Variants in SMC1A observed in about 807,000 individuals in gnomAD.
SMC1A encodes structural maintenance of chromosomes protein 1A.
In SMC1A, 4 loss-of-function variants were observed where a neutral mutation model predicts 94.5. The ratio of observed to expected loss-of-function variants is 0.04; its 90% CI spans 0.02 to 0.10. The LOEUF (loss-of-function observed/expected upper bound fraction) is 0.10. Among genes scored for constraint, SMC1A ranks in the 10% least tolerant of loss-of-function variants. The pLI is 1.00. For synonymous variants in SMC1A, 345 were observed against 347.7 expected (o/e 0.99, Z 0.09); for missense variants, 304 against 989.0 (o/e 0.31, Z 9.29).
In SMC1A at chrX:53,394,860, C is replaced by G. The variant is rs1569354738; in HGVS notation, c.2891G>C (p.Ser964Thr). The G allele has an allele frequency of 8.4e-7, 1 of 1,197,394 alleles. No individual in the cohort carries two copies. The highest frequency in any genetic ancestry group is 3.0e-5 in the East Asian group (1 of 33,717). ...EGSSQGEDSV[S>T]GSQRISSIYA... ...GATACTGGAAATTCTCTGTGAACCA[C>G]TCACTGAGTCCTCCCCCTGGGAGCT... Residue 964 changes from serine to threonine, a missense_variant, in exon 19 of 25, where the codon AGT becomes ACT. Ser to Thr is a moderately conservative substitution (Grantham distance 58). This residue lies in a region of SMC1A where 22 missense variants were observed against 17.5 expected (regional missense o/e 1.26). Coordinates refer to ENST00000322213, the MANE Select transcript of SMC1A (RefSeq NM_006306.4).
In SMC1A at chrX:53,409,170, C is replaced by T. The variant is rs1556890143; in HGVS notation, c.1437G>A (p.Gln479=). The T allele has an allele frequency of 8.3e-7, 1 of 1,211,375 alleles. No individual in the cohort carries two copies. Among genetic ancestry groups the T allele is most frequent in the Non-Finnish European group, 1.1e-6 (1 of 895,032 alleles). ...GGGCATCCCCTAGCTGCTCCATCAC[C>T]TGGTTCAGCTCCTTATTGATTTCAT... ...RIDEINKELN[Q]VMEQLGDARI... is the part of the protein sequence containing the mutation. Residue 479 remains glutamine, a synonymous_variant, in exon 9 of 25, where the codon CAG becomes CAA. Transcript: ENST00000322213.
At chrX:53,411,100 T>C (rs1556890469) in intron 7 of SMC1A, among the ~76,000 whole-genome samples, 1 of 108,624 alleles carries the variant, frequency 9.2e-6, no homozygotes, top group Non-Finnish European at 1.9e-5. Context: ...GTCTCAAAAA[T>C]AACAATAATC....
intron 15 of SMC1A, 81 bp from the exon 16 acceptor site, chrX:53,399,811 G>T: frequency 9.8e-7 from 1 of 1,020,003 alleles, no homozygotes; most frequent in Non-Finnish European, 1.3e-6. Flanking sequence ...ACTATGGGAA[G>T]AAAGGGAAAC....
At chrX:53,389,227 TACA>T (rs1260784081) in intron 19 of SMC1A, among the ~76,000 whole-genome samples, 3 of 108,212 alleles carry the variant, frequency 2.8e-5, no homozygotes, top group Non-Finnish European at 5.7e-5. Context: ...AGTCAATTTC[TACA>T]ACAACAAAAA....
At chrX:53,415,259 C>G in intron 1 of SMC1A, 90 bp from the exon 2 acceptor site, 1 of 742,577 alleles carries the variant, frequency 1.3e-6, no homozygotes, top group Non-Finnish European at 2.1e-6. Context: ...CAAAAATGTC[C>G]CCTAATCACT....
Position 53,403,562 on chromosome X carries a change from C to T in SMC1A, c.2420+4G>A. On this transcript the variant is annotated splice_donor_region_variant and intron_variant, in intron 15 of 24. Transcript: ENST00000322213. ...CAATCTCTTCTACCAATCCTCCCAC[C>T]TACCGCTTCTTGGCGATTTCATTCT... 8.4e-7 allele frequency: 1 copy of T among 1,186,655 alleles called. No individual in the cohort carries two copies. The highest frequency in any genetic ancestry group is 1.8e-5 in the South Asian group (1 of 54,536).
At chrX:53,400,369 G>C (rs1044550580) in intron 15 of SMC1A, among the ~76,000 whole-genome samples, 2 of 111,627 alleles carry the variant, frequency 1.8e-5, no homozygotes, top group Admixed American at 9.6e-5. Flanking sequence ...AGGCAAGTTG[G>C]TTATACTCTC....
chrX:53,406,333 A>C (rs1556889704), intron 9 of SMC1A, among the ~76,000 whole-genome samples: 4 of 111,785 alleles, frequency 3.6e-5, no homozygotes, highest in Non-Finnish European at 7.5e-5. Flanking sequence ...TGCTGTGTGC[A>C]CTCCAGATCA....
At chrX:53,416,983 G>A (rs191903509) in intron 1 of SMC1A, among the ~76,000 whole-genome samples, 1 of 105,597 alleles carries the variant, frequency 9.5e-6, no homozygotes, top group Admixed American at 1.0e-4. Context: ...ACAAGGTCTC[G>A]CTGTGTTGCC....
rs781885103 is a variant in SMC1A, at chrX:53,393,555, T to C, written c.2973+1223A>G. On this transcript the variant is annotated intron_variant, in intron 19 of 24. Coordinates refer to ENST00000322213, the MANE Select transcript of SMC1A (RefSeq NM_006306.4). ...ATATTATGGTTGTTTTTCTTAAAAG[T>C]TCTCATATTCTAGAGATACATGCTG... 3.6e-5 allele frequency among the ~76,000 whole-genome samples: 4 copies of C among 111,812 alleles called. No homozygotes were observed. In the South Asian group the frequency reaches 1.5e-3, roughly 42 times the overall value.
At chrX:53,385,261 T>G (rs2075600118) in intron 19 of SMC1A, among the ~76,000 whole-genome samples, 1 of 107,618 alleles carries the variant, frequency 9.3e-6, no homozygotes, top group Admixed American at 1.0e-4. Flanking sequence ...AATAGGTTTT[T>G]TTTTTTTTTT....
intron 22 of SMC1A, chrX:53,382,028 C>A (rs2075585298): frequency 2.1e-6 from 1 of 471,772 alleles, no homozygotes; most frequent in South Asian, 3.0e-5. Context: ...CCGGTGAGGA[C>A]ATGCTGAGCA....
At position 53,412,112 on chromosome X, in the gene SMC1A, G is replaced by A. The variant is rs1556890603; in HGVS notation, c.996C>T (p.Asp332=). The part of the protein sequence containing the change: ...AQKHYKKRKG[D]MDELEKEMLS... ...GCATCTCCTTCTCCAGCTCATCCAT[G>A]TCACCTTTACGCTTCTTGTAGTGCT... Residue 332 remains aspartate, a synonymous_variant, in exon 6 of 25, where the codon GAC becomes GAT. Transcript: ENST00000322213. The A allele has an allele frequency of 8.3e-7, 1 of 1,211,456 alleles. No individual in the cohort carries two copies. The highest frequency in any genetic ancestry group is 3.0e-5 in the East Asian group (1 of 33,857).
chrX:53,384,284 GAC>G (rs1355325125), intron 19 of SMC1A, among the ~76,000 whole-genome samples: 5 of 102,720 alleles, frequency 4.9e-5, no homozygotes, highest in Admixed American at 2.1e-4. Flanking sequence ...TTTTTTTGGA[GAC>G]AGAGTCTCGC....
chrX:53,392,951 A>G (rs1291055490), intron 19 of SMC1A, among the ~76,000 whole-genome samples: 1 of 112,132 alleles, frequency 8.9e-6, no homozygotes, highest in African/African-American at 3.2e-5. Context: ...ATGTGTTTCA[A>G]TCATCATATT....
chrX:53,411,628 T>C, intron 7 of SMC1A, 133 bp downstream of exon 7: 1 of 737,310 alleles, frequency 1.4e-6, no homozygotes, highest in Non-Finnish European at 2.1e-6. Context: ...TCATTACAGG[T>C]TGGGTAACTC....
intron 18 of SMC1A, 139 bp from the exon 19 acceptor site, chrX:53,395,027 G>T: frequency 2.0e-6 from 1 of 503,044 alleles, no homozygotes. Context: ...AGGCTTTGCA[G>T]GCAGAATGAC....
At chrX:53,396,773 CTT>C (rs1230726909) in intron 16 of SMC1A, among the ~76,000 whole-genome samples, 156 bp from the exon 17 acceptor site, 17 of 111,555 alleles carry the variant, frequency 1.5e-4, no homozygotes, top group African/African-American at 4.9e-4. Flanking sequence ...AGCCTCCTAT[CTT>C]TTTAAAATTT....
intron 15 of SMC1A, among the ~76,000 whole-genome samples, chrX:53,402,477 GATA>G (rs1196915434): frequency 9.2e-6 from 1 of 108,320 alleles, no homozygotes; most frequent in Non-Finnish European, 1.9e-5. Context: ...TGCCCATTAT[GATA>G]ATAACAACAA....
Sources: gnomAD v4.1 joint callset for allele counts (sites outside exome capture counted in the v4.1 genomes callset) on GRCh38, gnomAD v4.1.1 for gene constraint, gnomAD v4.1.1 regional missense constraint, MANE v1.5 for transcripts, NCBI Gene and HGNC (gene_info 2026-07-23, HGNC 2026-07-21) for gene names.